CCDC171: variants seen among roughly 807,000 people sequenced by gnomAD.
CCDC171 encodes the protein coiled-coil domain containing 171, also known as coiled-coil domain-containing protein 171.
Under a neutral mutation model 168.2 loss-of-function variants are expected in CCDC171, and 177 were observed. The ratio of observed to expected loss-of-function variants is 1.05; its 90% confidence interval spans 0.93 to 1.19. CCDC171 has a LOEUF of 1.19. Among genes scored for constraint, CCDC171 ranks in the 50% most tolerant of loss-of-function variants. The pLI, the probability that CCDC171 is intolerant of heterozygous loss-of-function variation, is 0.00. For synonymous variants in CCDC171, 687 were observed against 540.8 expected (o/e 1.27, Z -3.75); for missense variants, 1,991 against 1,539.0 (o/e 1.29, Z -4.91).
intron 2 of CCDC171, among the ~76,000 whole-genome samples, chr9:15,570,082 G>A (rs2040098747): frequency 6.6e-6 from 1 of 151,944 alleles, no homozygotes; most frequent in African/African-American, 2.4e-5. Flanking sequence ...GGATTCTCCT[G>A]CCTTTGCCTC....
At chr9:15,868,924 G>C (rs1452609760) in intron 23 of CCDC171, among the ~76,000 whole-genome samples, 1 of 151,938 alleles carries the variant, frequency 6.6e-6, no homozygotes, top group Non-Finnish European at 1.5e-5. Context: ...TGAAGTTCCT[G>C]ATATAAAATG....
chr9:15,725,452 A>AT (rs1189423914), intron 14 of CCDC171, among the ~76,000 whole-genome samples: 3 of 151,632 alleles, frequency 2.0e-5, no homozygotes, highest in South Asian at 2.1e-4. Flanking sequence ...TTCCTTATTT[A>AT]TTTTTTTTCT....
upstream of CCDC171, among the ~76,000 whole-genome samples, chr9:16,040,397 G>T (rs1833553922): frequency 6.6e-6 from 1 of 152,210 alleles, no homozygotes; most frequent in Admixed American, 6.5e-5. Flanking sequence ...GGATTAATGA[G>T]CCCTCAGAGT....
At chr9:15,578,559 C>T (rs1297854679) in intron 3 of CCDC171, among the ~76,000 whole-genome samples, 7 of 151,074 alleles carry the variant, frequency 4.6e-5, no homozygotes, top group Non-Finnish European at 5.9e-5. Flanking sequence ...AGTGAGCCAC[C>T]GTGCCTGGCC....
intron 23 of CCDC171, among the ~76,000 whole-genome samples, chr9:15,867,624 G>C (rs2061845405): frequency 1.3e-5 from 2 of 152,026 alleles, no homozygotes; most frequent in South Asian, 4.1e-4. Context: ...TTCTGACCTA[G>C]CCAAGCTAAA....
chr9:15,912,464 T>G lies in CCDC171; in HGVS notation c.3601-7806T>G, dbSNP rs536726451. On this transcript the variant is annotated intron_variant, in intron 24 of 25. Transcript: ENST00000380701. ...AGTTTTGGGACTGAGACGATGGGGT[T>G]TTTTTAATATACAGTCATGTCATCT... Among the ~76,000 whole-genome samples, 4 of 152,294 alleles carry G rather than the reference T, an allele frequency of 2.6e-5. No individual in the cohort carries two copies. In the East Asian group the frequency reaches 7.7e-4, roughly 29 times the overall value.
At chr9:15,744,250 A>G (rs769122910) in intron 16 of CCDC171, 23 bp from the exon 17 acceptor site, 2 of 1,538,668 alleles carry the variant, frequency 1.3e-6, no homozygotes, top group East Asian at 4.5e-5. Flanking sequence ...ATGATCAAAT[A>G]TATTTTTTGA....
At chr9:15,779,338 G>A (rs13287834) in intron 20 of CCDC171, among the ~76,000 whole-genome samples, 188 bp downstream of exon 20, 70,805 of 151,836 alleles carry the variant, frequency 0.47, 16,683 homozygotes, top group South Asian at 0.53. Context: ...GGTGGCAGGC[G>A]GGGGAGTGGG....
At chr9:15,950,308 A>G (rs910611251) in intron 25 of CCDC171, among the ~76,000 whole-genome samples, 1 of 152,152 alleles carries the variant, frequency 6.6e-6, no homozygotes, top group Non-Finnish European at 1.5e-5. Flanking sequence ...GAGCAACTCC[A>G]AGACACATAA....
the CCDC171 span, among the ~76,000 whole-genome samples, chr9:16,080,813 G>A: frequency 6.6e-6 from 1 of 152,246 alleles, no homozygotes; most frequent in Non-Finnish European, 1.5e-5. Flanking sequence ...GGTGACTTCT[G>A]TCTTCTTGAA....
At chr9:15,913,046 G>C (rs1823943176) in intron 24 of CCDC171, among the ~76,000 whole-genome samples, 2 of 152,180 alleles carry the variant, frequency 1.3e-5, no homozygotes, top group African/African-American at 4.8e-5. Context: ...GATGTTGCTG[G>C]CCTCATAAAA....
intron 7 of CCDC171, among the ~76,000 whole-genome samples, chr9:15,645,773 G>C (rs1000772780): frequency 2.0e-5 from 3 of 152,164 alleles, no homozygotes; most frequent in African/African-American, 7.2e-5. Flanking sequence ...ACGTCTGATT[G>C]GTGTACCTGA....
chr9:15,919,197 A>G (rs1303909263), intron 24 of CCDC171, among the ~76,000 whole-genome samples: 2 of 151,638 alleles, frequency 1.3e-5, no homozygotes, highest in Non-Finnish European at 3.0e-5. Flanking sequence ...TTGAGGGCAA[A>G]TAAGAATTTA....
chr9:15,627,431 T>C (rs1026914258), intron 7 of CCDC171, among the ~76,000 whole-genome samples: 2 of 152,244 alleles, frequency 1.3e-5, no homozygotes, highest in Non-Finnish European at 2.9e-5. Flanking sequence ...TTTAGATCTT[T>C]CCTGCTTTCT....
chr9:15,689,509 G>A (rs893746384), intron 10 of CCDC171, among the ~76,000 whole-genome samples: 1 of 152,114 alleles, frequency 6.6e-6, no homozygotes, highest in Admixed American at 6.6e-5. Context: ...TCTGGAGTTC[G>A]AGACCAGCCT....
chr9:16,084,600 G>A, the CCDC171 span, among the ~76,000 whole-genome samples: 6 of 152,120 alleles, frequency 3.9e-5, no homozygotes, highest in South Asian at 2.1e-4. Flanking sequence ...CAGACTACCC[G>A]CTTTCCAATT....
chr9:15,599,967 C>T (rs1413246743), intron 6 of CCDC171, among the ~76,000 whole-genome samples: 1 of 151,900 alleles, frequency 6.6e-6, no homozygotes, highest in Non-Finnish European at 1.5e-5. Context: ...GCATTCGTCA[C>T]ATAGTTCTCT....
chr9:15,913,809 C>G (rs1209833777), intron 24 of CCDC171, among the ~76,000 whole-genome samples: 1 of 152,038 alleles, frequency 6.6e-6, no homozygotes, highest in Non-Finnish European at 1.5e-5. Flanking sequence ...TGTCGGTGAC[C>G]TTCGGATGGA....
intron 11 of CCDC171, among the ~76,000 whole-genome samples, chr9:15,719,886 C>G (rs1446927001): frequency 6.6e-6 from 1 of 151,386 alleles, no homozygotes; most frequent in East Asian, 1.9e-4. Flanking sequence ...TTTTTTTCAT[C>G]TTGTGCAAGA....
Sources: gnomAD v4.1 joint callset for allele counts (sites outside exome capture counted in the v4.1 genomes callset) on GRCh38, gnomAD v4.1.1 for gene constraint, MANE v1.5 for transcripts, NCBI Gene and HGNC (gene_info 2026-07-23, HGNC 2026-07-21) for gene names.